The following GTF2E2 variants were observed in gnomAD, a reference collection of about 807,000 sequenced individuals.
The protein encoded by GTF2E2 is general transcription factor IIE subunit 2.
In GTF2E2, 21 loss-of-function variants were observed where a neutral mutation model predicts 40.5. The observed-to-expected ratio is 0.52, with a 90% CI of 0.37 to 0.75. The LOEUF (loss-of-function observed/expected upper bound fraction) is 0.75. Ranked by LOEUF, GTF2E2 falls within the 30% of genes least tolerant of loss-of-function variation. GTF2E2 has a pLI of 0.00. For missense variants in GTF2E2, 298 were observed against 338.4 expected, an observed-to-expected ratio of 0.88 and a Z score of 0.94; for synonymous variants, 117 against 121.6, an observed-to-expected ratio of 0.96 and a Z score of 0.25.
intron 6 of GTF2E2, among the ~76,000 whole-genome samples, chr8:30,602,846 T>C (rs1166416318): frequency 2.8e-4 from 43 of 152,134 alleles, no homozygotes; most frequent in Admixed American, 2.7e-3. Flanking sequence ...TCTTTGTCTT[T>C]GCTATTCCCT....
chr8:30,605,017 A>C (rs796661257), intron 6 of GTF2E2, among the ~76,000 whole-genome samples: 4 of 152,244 alleles, frequency 2.6e-5, no homozygotes, highest in South Asian at 2.1e-4. Flanking sequence ...TGGGCTTCCC[A>C]CTGCTAAACA....
chr8:30,628,888 G>A lies in GTF2E2; in HGVS notation c.258+6144C>T, dbSNP rs180825471. ...GGAGGTTACGGTAAGCTGAGACAGT[G>A]CCACTGCACTCCAGCCTGGGCAAGA... On this transcript the variant is annotated intron_variant, in intron 3 of 7. Transcript: ENST00000355904. Among the ~76,000 whole-genome samples the A allele has an allele frequency of 2.2e-4, 32 of 148,694 alleles. No homozygotes were observed. In the East Asian group the frequency reaches 5.3e-3, roughly 25 times the overall value.
At chr8:30,653,267 GAC>G (rs1175902656) in intron 2 of GTF2E2, among the ~76,000 whole-genome samples, 164 bp downstream of exon 2, 2 of 152,058 alleles carry the variant, frequency 1.3e-5, no homozygotes, top group Non-Finnish European at 2.9e-5. Flanking sequence ...TACAGCACAA[GAC>G]TATTAACATC....
intron 6 of GTF2E2, among the ~76,000 whole-genome samples, chr8:30,595,166 C>G (rs1828964697): frequency 1.3e-5 from 2 of 152,104 alleles, no homozygotes; most frequent in African/African-American, 4.8e-5. Context: ...TAATCAGAGC[C>G]TAGCTTAGAG....
At position 30,579,129 on chromosome 8, in the gene GTF2E2, T is replaced by C. The variant is rs143397920; in HGVS notation, c.760-92A>G. 1,070 of 761,096 alleles carry C rather than the reference T, an allele frequency of 1.4e-3. 5 individuals carry two copies. The African/African-American group carries it at 0.016, about 11-fold the overall frequency. The allele number at this position is 761,096 out of a possible 1,614,324, so 47.1% of individuals were successfully genotyped here. ...CTGAGCATGCCCAGATGCCAGTGGC[T>C]GAGGATGCCAGGTTCGGACCCTTCT... On this transcript the variant is annotated intron_variant, in intron 7 of 7. Transcript: ENST00000355904.
chr8:30,604,574 T>C (rs974834675), intron 6 of GTF2E2, among the ~76,000 whole-genome samples: 1 of 152,224 alleles, frequency 6.6e-6, no homozygotes, highest in Admixed American at 6.5e-5. Context: ...TTTGTAATGC[T>C]GAGAAAGCAA....
intron 5 of GTF2E2, among the ~76,000 whole-genome samples, chr8:30,607,867 C>T (rs1196934392): frequency 6.6e-6 from 1 of 151,888 alleles, no homozygotes; most frequent in East Asian, 1.9e-4. Flanking sequence ...TTTTAAAACG[C>T]TAAAATAATA....
At chr8:30,621,359 G>C (rs538887971) in intron 3 of GTF2E2, among the ~76,000 whole-genome samples, 12 of 152,086 alleles carry the variant, frequency 7.9e-5, no homozygotes, top group Non-Finnish European at 1.6e-4. Context: ...ACTGAGCTTT[G>C]TAAACACAGA....
chr8:30,599,783 G>A (rs1268665841), intron 6 of GTF2E2, among the ~76,000 whole-genome samples: 1 of 152,086 alleles, frequency 6.6e-6, no homozygotes, highest in Admixed American at 6.6e-5. Flanking sequence ...AAGAGATCGA[G>A]ACCATCCTGG....
At chr8:30,593,566 T>C in intron 6 of GTF2E2, among the ~76,000 whole-genome samples, 1 of 151,784 alleles carries the variant, frequency 6.6e-6, no homozygotes, top group East Asian at 1.9e-4. Flanking sequence ...AGTCATGGCT[T>C]ATTGCAACCT....
chr8:30,628,270 A>T (rs1171801059), intron 3 of GTF2E2, among the ~76,000 whole-genome samples: 3 of 152,202 alleles, frequency 2.0e-5, no homozygotes, highest in Non-Finnish European at 2.9e-5. Flanking sequence ...AAAAAAGAAA[A>T]AAACTGAGGT....
chr8:30,641,201 G>A (rs559632355), intron 2 of GTF2E2, among the ~76,000 whole-genome samples: 1 of 152,132 alleles, frequency 6.6e-6, no homozygotes, highest in Admixed American at 6.5e-5. Flanking sequence ...GTTTTGAGCC[G>A]CTCGGTTATC....
intron 6 of GTF2E2, chr8:30,584,785 T>G (rs1256305887): frequency 6.6e-6 from 1 of 152,222 alleles, no homozygotes; most frequent in Non-Finnish European, 1.5e-5. Context: ...GGTGCAGGCC[T>G]CAGAGCCAGA....
chr8:30,600,230 G>A (rs2151118856), intron 6 of GTF2E2, among the ~76,000 whole-genome samples: 1 of 152,250 alleles, frequency 6.6e-6, no homozygotes, highest in South Asian at 2.1e-4. Context: ...TGCTAAATTG[G>A]CTTTCTTTGC....
Position 30,578,864 on chromosome 8 carries a change from C to CAG in GTF2E2, c.*55_*56dup, listed in dbSNP as rs1828429532. 2 of 878,896 alleles carry CAG rather than the reference C, an allele frequency of 2.3e-6. No individual in the cohort carries two copies. Among genetic ancestry groups the CAG allele is most frequent in the Non-Finnish European group, 3.9e-6 (2 of 510,098 alleles). 54.4% of individuals were successfully genotyped at this position (878,896 alleles called of 1,614,324 possible). On this transcript the variant is annotated 3_prime_UTR_variant, in exon 8 of 8. Coordinates refer to ENST00000355904, the MANE Select transcript of GTF2E2 (RefSeq NM_002095.6). ...AAGACAGTCTTCAGACCCCGAGCAT[C>CAG]AGCAAGAACACTCTTGATTGTGTAT...
At chr8:30,620,982 T>A (rs1372840183) in intron 3 of GTF2E2, among the ~76,000 whole-genome samples, 1 of 150,984 alleles carries the variant, frequency 6.6e-6, no homozygotes, top group African/African-American at 2.4e-5. Flanking sequence ...AGCAGTGCAG[T>A]AGACTTTTGG....
chr8:30,645,154 C>A (rs1408233470), intron 2 of GTF2E2: 12 of 826,376 alleles, frequency 1.5e-5, no homozygotes, highest in Non-Finnish European at 2.2e-5. Flanking sequence ...TTCAAAACTA[C>A]CATTTAGGCA....
At chr8:30,640,875 T>C (rs530510828) in intron 2 of GTF2E2, among the ~76,000 whole-genome samples, 57 of 152,164 alleles carry the variant, frequency 3.7e-4, no homozygotes, top group Admixed American at 1.6e-3. Flanking sequence ...TGGCTAATTT[T>C]TGTGTTTTTA....
rs1415243924 is a variant in GTF2E2, at chr8:30,628,148, C to G, written c.258+6884G>C. On this transcript the variant is annotated intron_variant, in intron 3 of 7. Coordinates refer to ENST00000355904, the MANE Select transcript of GTF2E2 (RefSeq NM_002095.6). The stretch of plus-strand genomic sequence containing the variant: ...ACAGTACTTTCTCCCTCTTTCAACA[C>G]AAATGTGAACCTGGGTGAAGGTTCC... Among the ~76,000 whole-genome samples the G allele has an allele frequency of 2.6e-5, 4 of 152,190 alleles. No homozygotes were observed. The South Asian group carries it at 8.3e-4, about 31-fold the overall frequency.
Sources: gnomAD v4.1 joint callset for allele counts (sites outside exome capture counted in the v4.1 genomes callset) on GRCh38, gnomAD v4.1.1 for gene constraint, MANE v1.5 for transcripts, NCBI Gene and HGNC (gene_info 2026-07-23, HGNC 2026-07-21) for gene names.